The following AIG1 variants were observed in gnomAD, a reference collection of about 807,000 sequenced individuals.
AIG1 encodes androgen-induced gene 1 protein.
In AIG1, 23 loss-of-function variants were observed where a neutral mutation model predicts 31.4. The observed-to-expected ratio is 0.73, with a 90% CI of 0.53 to 1.04. AIG1 has a LOEUF of 1.04. Among genes scored for constraint, AIG1 ranks in the 50% least tolerant of loss-of-function variants. AIG1 has a pLI of 0.00. For missense variants in AIG1, 274 were observed against 295.0 expected, an observed-to-expected ratio of 0.93 and a Z score of 0.52; for synonymous variants, 100 against 110.5, an observed-to-expected ratio of 0.90 and a Z score of 0.60.
At chr6:143,068,233 T>A (rs1426052337) in intron 1 of AIG1, among the ~76,000 whole-genome samples, 2 of 152,250 alleles carry the variant, frequency 1.3e-5, no homozygotes, top group Non-Finnish European at 2.9e-5. Context: ...TTTCTGTGTG[T>A]TCCTCTGAAA....
At chr6:143,313,934 G>T (rs769940853) in intron 4 of AIG1, among the ~76,000 whole-genome samples, 6 of 152,016 alleles carry the variant, frequency 3.9e-5, no homozygotes, top group Non-Finnish European at 5.9e-5. Flanking sequence ...TGTCTCCTAA[G>T]ATTGGGAACA....
At chr6:143,342,771 C>T (rs1006824981), downstream of AIG1, 2 of 813,528 alleles carry the variant, frequency 2.5e-6, no homozygotes, top group South Asian at 1.3e-5. Flanking sequence ...TAGCTGCAAA[C>T]GTCCTTGTAT....
rs569327976 is a variant in AIG1 at position 143,111,906 on chromosome 6, A to T, written c.142-24929A>T. 1.1e-4 allele frequency among the ~76,000 whole-genome samples: 17 copies of T among 152,174 alleles called. No individual in the cohort carries two copies. The South Asian group carries it at 3.5e-3, about 32-fold the overall frequency. ...ATATCTCTCTCTTTTTTCTGTTCCC[A>T]AATAGCCTTACACCTGGCTTTTTAA... is the stretch of plus-strand genomic sequence containing the variant. On this transcript the variant is annotated intron_variant, in intron 1 of 5. Coordinates refer to ENST00000357847, the MANE Select transcript of AIG1 (RefSeq NM_016108.4).
At chr6:143,171,523 TA>T (rs1407144012) in intron 3 of AIG1, among the ~76,000 whole-genome samples, 2 of 130,286 alleles carry the variant, frequency 1.5e-5, no homozygotes, top group African/African-American at 5.8e-5. Context: ...ATAATATATA[TA>T]TTTAATATAT....
chr6:143,162,819 C>T (rs552446795), intron 2 of AIG1, among the ~76,000 whole-genome samples: 1 of 152,144 alleles, frequency 6.6e-6, no homozygotes, highest in Non-Finnish European at 1.5e-5. Context: ...TCCACAAATG[C>T]CCTGAGGCAT....
rs937494309 is a variant in AIG1, at chr6:143,105,353, A to T, written c.142-31482A>T. ...TCAAGATGAGGTTGCTGAGGAACCC[A>T]TGAGAGTGAGCCAGTAGGGCACAGG... On this transcript the variant is annotated intron_variant, in intron 1 of 5. Transcript: ENST00000357847. Among the ~76,000 whole-genome samples the T allele has an allele frequency of 2.0e-5, 3 of 152,238 alleles. No individual in the cohort carries two copies. The South Asian group carries it at 6.2e-4, about 31-fold the overall frequency.
chr6:143,226,360 C>T (rs1006668277), intron 3 of AIG1, among the ~76,000 whole-genome samples: 2 of 151,844 alleles, frequency 1.3e-5, no homozygotes, highest in African/African-American at 4.8e-5. Flanking sequence ...CCTGCGTCAG[C>T]CTCCAAGTAG....
At chr6:143,149,973 A>G (rs140547612) in intron 2 of AIG1, among the ~76,000 whole-genome samples, 4 of 152,358 alleles carry the variant, frequency 2.6e-5, no homozygotes, top group African/African-American at 7.2e-5. Flanking sequence ...CAACTGCAAA[A>G]AACTTTTTGG....
chr6:143,224,720 C>G (rs1441721007), intron 3 of AIG1, among the ~76,000 whole-genome samples: 1 of 152,148 alleles, frequency 6.6e-6, no homozygotes, highest in Admixed American at 6.5e-5. Context: ...CCTTTCCCTT[C>G]CTTCCTGTTA....
At chr6:143,300,442 T>C (rs1233306471) in intron 4 of AIG1, among the ~76,000 whole-genome samples, 1 of 152,194 alleles carries the variant, frequency 6.6e-6, no homozygotes, top group Non-Finnish European at 1.5e-5. Context: ...GGCAAGAGTC[T>C]ATTTACCCAG....
chr6:143,183,347 C>T (rs1431102724), intron 3 of AIG1, among the ~76,000 whole-genome samples: 6 of 152,160 alleles, frequency 3.9e-5, no homozygotes, highest in African/African-American at 7.2e-5. Context: ...AGGCATGCAC[C>T]ACCACACACA....
intron 3 of AIG1, among the ~76,000 whole-genome samples, chr6:143,213,647 G>T (rs544775803): frequency 2.0e-5 from 3 of 149,846 alleles, no homozygotes; most frequent in Admixed American, 6.7e-5. Context: ...CTCCCAAGTA[G>T]CTGAGATTAC....
chr6:143,342,551 AT>A (rs1318272508), downstream of AIG1: 6 of 868,634 alleles, frequency 6.9e-6, no homozygotes, highest in South Asian at 1.3e-5. Context: ...TAAAACCTTT[AT>A]TTTTTTACTG....
intron 4 of AIG1, among the ~76,000 whole-genome samples, chr6:143,332,683 T>C (rs1333475951): frequency 6.6e-6 from 1 of 152,242 alleles, no homozygotes; most frequent in Non-Finnish European, 1.5e-5. Flanking sequence ...GGTTGCCCAA[T>C]GCCATATTGT....
chr6:143,249,770 G>T (rs1254152240), intron 3 of AIG1, among the ~76,000 whole-genome samples: 1 of 152,074 alleles, frequency 6.6e-6, no homozygotes, highest in African/African-American at 2.4e-5. Context: ...GTTTGCTGAT[G>T]CCCTATGTGT....
chr6:143,262,808 C>G (rs994108966), intron 3 of AIG1, among the ~76,000 whole-genome samples: 4 of 151,918 alleles, frequency 2.6e-5, no homozygotes, highest in Non-Finnish European at 5.9e-5. Flanking sequence ...ATTAGGGGGA[C>G]CACAGATGAA....
intron 3 of AIG1, among the ~76,000 whole-genome samples, chr6:143,181,257 A>G (rs954560737): frequency 4.6e-5 from 7 of 152,252 alleles, no homozygotes; most frequent in Non-Finnish European, 1.0e-4. Flanking sequence ...AGAAACTGGA[A>G]CAGAGATCAG....
At chr6:143,095,554 T>C (rs989594708) in intron 1 of AIG1, among the ~76,000 whole-genome samples, 1 of 152,184 alleles carries the variant, frequency 6.6e-6, no homozygotes, top group African/African-American at 2.4e-5. Flanking sequence ...TCTAAATTTA[T>C]TATGTATTAT....
chr6:143,088,241 G>C (rs529388311), intron 1 of AIG1, among the ~76,000 whole-genome samples: 10 of 151,496 alleles, frequency 6.6e-5, no homozygotes, highest in African/African-American at 2.4e-4. Context: ...TCTGAGGAAA[G>C]GGTATTTTCT....
Sources: allele counts gnomAD v4.1 joint callset (sites outside exome capture counted in the v4.1 genomes callset), GRCh38; gene constraint gnomAD v4.1.1; transcripts MANE v1.5; gene names NCBI Gene and HGNC (gene_info 2026-07-23, HGNC 2026-07-21).